CFTR: variants seen among roughly 807,000 people sequenced by gnomAD.
The protein encoded by CFTR is cystic fibrosis transmembrane conductance regulator.
CFTR carries 181 observed loss-of-function variants against 171.6 expected under a neutral mutation model. The ratio of observed to expected loss-of-function variants is 1.05; its 90% CI spans 0.93 to 1.19. The LOEUF (loss-of-function observed/expected upper bound fraction) is 1.19. CFTR is among the 50% of genes most tolerant of loss of function. The pLI, the probability that CFTR is intolerant of heterozygous loss-of-function variation, is 0.00. For synonymous variants in CFTR, 583 were observed against 608.0 expected (o/e 0.96, Z 0.60); for missense variants, 1,968 against 1,734.7 (o/e 1.13, Z -2.39).
chr7:117,657,087 T>C (rs1299389696), intron 24 of CFTR, among the ~76,000 whole-genome samples: 1 of 152,170 alleles, frequency 6.6e-6, no homozygotes, highest in Non-Finnish European at 1.5e-5. Context: ...GAGAATGCAC[T>C]ATAGGAACAC....
intron 1 of CFTR, among the ~76,000 whole-genome samples, chr7:117,480,405 C>G (rs1221541684): frequency 1.3e-5 from 2 of 152,186 alleles, no homozygotes; most frequent in Non-Finnish European, 2.9e-5. Flanking sequence ...GACTCAAGTA[C>G]GCTACTATGC....
At chr7:117,583,205 C>T (rs1171654252) in intron 11 of CFTR, among the ~76,000 whole-genome samples, 1 of 151,952 alleles carries the variant, frequency 6.6e-6, no homozygotes, top group Non-Finnish European at 1.5e-5. Context: ...AGTTTTTGGG[C>T]TACAGGTGGT....
At chr7:117,510,036 C>T (rs564335436) in intron 3 of CFTR, among the ~76,000 whole-genome samples, 1 of 152,194 alleles carries the variant, frequency 6.6e-6, no homozygotes, top group Non-Finnish European at 1.5e-5. Context: ...ATGAAAAATA[C>T]ATTTAAAACT....
rs1800108 is a variant in CFTR at position 117,603,643 on chromosome 7, C to T, written c.2769C>T (p.Ala923=). Residue 923 remains alanine (A), a synonymous_variant, in exon 17 of 27, where the codon GCC becomes GCT. Transcript: ENST00000003084. ...YYVFYIYVGV[A]DTLLAMGFFR... ...TGTTTTACATTTACGTGGGAGTAGC[C>T]GACACTTTGCTTGCTATGGGATTCT... 151 of 1,613,900 alleles carry T rather than the reference C, an allele frequency of 9.4e-5. No homozygotes were observed. Among genetic ancestry groups the T allele is most frequent in the Non-Finnish European group, 1.2e-4 (145 of 1,179,956 alleles).
At chr7:117,487,087 T>C (rs1798087263) in intron 1 of CFTR, among the ~76,000 whole-genome samples, 1 of 152,062 alleles carries the variant, frequency 6.6e-6, no homozygotes, top group Non-Finnish European at 1.5e-5. Context: ...GAAGAAGGCA[T>C]GGAGCAGGAG....
At chr7:117,664,665 T>C in intron 24 of CFTR, 23 bp from the exon 25 acceptor site, 2 of 1,610,390 alleles carry the variant, frequency 1.2e-6, no homozygotes, top group Non-Finnish European at 8.5e-7. Context: ...CTGTGGTATC[T>C]GAACTATCTT....
In CFTR at chr7:117,530,982, C is replaced by G; in HGVS notation, c.357C>G (p.Ile119Met). The G allele has an allele frequency of 6.2e-7, 1 of 1,613,672 alleles. No homozygotes were observed. Among genetic ancestry groups the G allele is most frequent in the Non-Finnish European group, 8.5e-7 (1 of 1,179,710 alleles). Residue 119 changes from isoleucine (I) to methionine (M), a missense_variant, in exon 4 of 27, where the codon ATC becomes ATG. Ile to Met is a conservative substitution (Grantham distance 10). Coordinates refer to ENST00000003084, the MANE Select transcript of CFTR (RefSeq NM_000492.4). The part of the protein sequence containing the change: ...YDPDNKEERS[I>M]AIYLGIGLCL... ...CGGATAACAAGGAGGAACGCTCTAT[C>G]GCGATTTATCTAGGCATAGGCTTAT...
intron 10 of CFTR, among the ~76,000 whole-genome samples, chr7:117,556,136 C>T (rs1452145724): frequency 3.3e-5 from 5 of 152,110 alleles, no homozygotes; most frequent in Non-Finnish European, 7.4e-5. Flanking sequence ...GCGATCTCGG[C>T]TCACTGCAAC....
chr7:117,551,092 A>G (rs899217905), intron 10 of CFTR, among the ~76,000 whole-genome samples: 2 of 152,352 alleles, frequency 1.3e-5, no homozygotes, highest in African/African-American at 4.8e-5. Flanking sequence ...ACTTACCCAA[A>G]TATGTTTGCA....
At chr7:117,523,242 G>A (rs186698026) in intron 3 of CFTR, among the ~76,000 whole-genome samples, 1 of 152,286 alleles carries the variant, frequency 6.6e-6, no homozygotes, top group East Asian at 1.9e-4. Context: ...AGCTACTTGA[G>A]AGGCTAAAGC....
intron 22 of CFTR, among the ~76,000 whole-genome samples, chr7:117,637,923 C>CT (rs925835137): frequency 1.3e-5 from 2 of 152,072 alleles, no homozygotes; most frequent in African/African-American, 2.4e-5. Context: ...TTACTTTTCC[C>CT]TTTTTTTCTC....
chr7:117,500,290 T>C (rs1584772714), intron 1 of CFTR, among the ~76,000 whole-genome samples: 2 of 113,446 alleles, frequency 1.8e-5, no homozygotes, highest in African/African-American at 6.6e-5. Context: ...TTTTTTTTTT[T>C]TTTTTTTTTT....
At chr7:117,508,775 A>G (rs1179411885) in intron 2 of CFTR, among the ~76,000 whole-genome samples, 1 of 152,234 alleles carries the variant, frequency 6.6e-6, no homozygotes, top group Non-Finnish European at 1.5e-5. Flanking sequence ...TAGAAGCCCA[A>G]CACTTTTCTT....
At chr7:117,484,469 T>C (rs916136319) in intron 1 of CFTR, among the ~76,000 whole-genome samples, 8 of 152,134 alleles carry the variant, frequency 5.3e-5, no homozygotes, top group African/African-American at 1.9e-4. Flanking sequence ...AGCCCTTCTG[T>C]CTTGAACAAT....
rs1330936451 is a variant in CFTR at position 117,499,889 on chromosome 7, A to G, written c.54-4364A>G. Reference sequence around the variant, plus strand: ...TAGACCAATGTAAAAGTCTGTCGTCAATATGTAGTGGCTATGAATGGAGGT... The same window carrying G: ...TAGACCAATGTAAAAGTCTGTCGTCGATATGTAGTGGCTATGAATGGAGGT... On this transcript the variant is annotated intron_variant, in intron 1 of 26. Coordinates refer to ENST00000003084, the MANE Select transcript of CFTR (RefSeq NM_000492.4). Among the ~76,000 whole-genome samples, 9 of 152,324 alleles carry G rather than the reference A, an allele frequency of 5.9e-5. No individual in the cohort carries two copies. The East Asian group carries it at 1.7e-3, about 29-fold the overall frequency.
At chr7:117,630,392 C>A (rs1792722937) in intron 22 of CFTR, among the ~76,000 whole-genome samples, 1 of 152,096 alleles carries the variant, frequency 6.6e-6, no homozygotes, top group Non-Finnish European at 1.5e-5. Context: ...GCTTTGAGAA[C>A]TGAGCTGTGT....
At chr7:117,493,366 A>T (rs968643440) in intron 1 of CFTR, among the ~76,000 whole-genome samples, 2 of 152,086 alleles carry the variant, frequency 1.3e-5, no homozygotes, top group Admixed American at 6.6e-5. Context: ...TATGAAAAAA[A>T]AGATGTAAAT....
chr7:117,502,666 T>A (rs1462215306), intron 1 of CFTR, among the ~76,000 whole-genome samples: 2 of 152,210 alleles, frequency 1.3e-5, no homozygotes, highest in Non-Finnish European at 2.9e-5. Context: ...AGACCTTGCA[T>A]GATCATGGCA....
At chr7:117,487,398 A>G (rs752399318) in intron 1 of CFTR, among the ~76,000 whole-genome samples, 6 of 152,106 alleles carry the variant, frequency 3.9e-5, no homozygotes, top group Non-Finnish European at 7.4e-5. Flanking sequence ...TAACCTGCTA[A>G]CTGATGTCTG....
Sources: gnomAD v4.1 joint callset for allele counts (sites outside exome capture counted in the v4.1 genomes callset) on GRCh38, gnomAD v4.1.1 for gene constraint, MANE v1.5 for transcripts, NCBI Gene and HGNC (gene_info 2026-07-23, HGNC 2026-07-21) for gene names.